Variants in CDH9 observed in about 807,000 individuals in gnomAD.
The protein encoded by CDH9 is cadherin-9.
Under a neutral mutation model 70.9 loss-of-function variants are expected in CDH9, and 28 were observed. The ratio of observed to expected loss-of-function variants is 0.40; its 90% CI spans 0.29 to 0.54. CDH9 has a LOEUF of 0.54. Among genes scored for constraint, CDH9 ranks in the 20% least tolerant of loss-of-function variants. The pLI, the probability that CDH9 is intolerant of heterozygous loss-of-function variation, is 0.59. For missense variants in CDH9, 874 were observed against 984.4 expected, an observed-to-expected ratio of 0.89 and a Z score of 1.50; for synonymous variants, 409 against 343.1, an observed-to-expected ratio of 1.19 and a Z score of -2.12.
At chr5:26,897,273 C>T (rs1740769319) in intron 7 of CDH9, among the ~76,000 whole-genome samples, 2 of 152,056 alleles carry the variant, frequency 1.3e-5, no homozygotes, top group Admixed American at 1.3e-4. Flanking sequence ...TCTTCTGAAA[C>T]TATTCCAAAC....
At chr5:26,920,155 G>A (rs1322969449) in intron 2 of CDH9, among the ~76,000 whole-genome samples, 1 of 152,010 alleles carries the variant, frequency 6.6e-6, no homozygotes, top group Non-Finnish European at 1.5e-5. Flanking sequence ...CCACTTCCCT[G>A]AAGGGAGAGA....
intron 2 of CDH9, among the ~76,000 whole-genome samples, chr5:26,938,803 T>C (rs532458705): frequency 2.0e-5 from 3 of 152,104 alleles, no homozygotes; most frequent in Non-Finnish European, 4.4e-5. Flanking sequence ...TTCAGCAACT[T>C]GTATGTTCTG....
Position 26,890,488 on chromosome 5 carries a change from T to C in CDH9, c.1330A>G (p.Lys444Glu), listed in dbSNP as rs1388211643. ...HSENGSIFTLKALDRESSPWH... is the reference protein window; with the variant it reads ...HSENGSIFTLEALDRESSPWH... Reference sequence around the variant, plus strand: ...GGAGATGATTCCCGGTCAAGGGCTTTCAAAGTGAAAATAGAACCATTTTCT... The same window carrying C: ...GGAGATGATTCCCGGTCAAGGGCTTCCAAAGTGAAAATAGAACCATTTTCT... Residue 444 changes from lysine (K) to glutamate (E), a missense_variant, in exon 8 of 12, where the codon AAA becomes GAA. Physicochemically the swap from Lys to Glu is moderately conservative, Grantham distance 56 (BLOSUM62 1). Transcript: ENST00000231021. The C allele has an allele frequency of 6.2e-7, 1 of 1,612,642 alleles. No homozygotes were observed. Among genetic ancestry groups the C allele is most frequent in the Non-Finnish European group, 8.5e-7 (1 of 1,178,766 alleles).
At chr5:27,026,491 A>G (rs187455309) in intron 1 of CDH9, among the ~76,000 whole-genome samples, 1 of 151,966 alleles carries the variant, frequency 6.6e-6, no homozygotes, top group Admixed American at 6.6e-5. Context: ...TACCTCTCCA[A>G]TCACTCTCCA....
chr5:26,881,387 A>G lies in CDH9; in HGVS notation c.2119T>C (p.Trp707Arg), dbSNP rs375707694. 24 of 1,613,680 alleles carry G rather than the reference A, an allele frequency of 1.5e-5. No individual in the cohort carries two copies. The highest frequency in any genetic ancestry group is 3.3e-5 in the South Asian group (3 of 91,082). ...IFQIRRTVPL[W>R]ENIDVQDFIH... ...AAATCTTGTACATCAATATTTTCCC[A>G]CAGAGGCACAGTCCTCCTTATCTGA... The change falls in exon 12 of 12, where the codon TGG becomes CGG. Residue 707 changes from tryptophan to arginine, a missense_variant. Trp to Arg is a moderately radical substitution (Grantham distance 101). Transcript: ENST00000231021.
At chr5:27,002,653 A>G (rs1742791082) in intron 1 of CDH9, among the ~76,000 whole-genome samples, 1 of 152,182 alleles carries the variant, frequency 6.6e-6, no homozygotes, top group Admixed American at 6.5e-5. Flanking sequence ...CATCATTCTC[A>G]GCAAACTAAC....
chr5:27,001,188 A>G (rs1742761133), intron 1 of CDH9, among the ~76,000 whole-genome samples: 1 of 152,162 alleles, frequency 6.6e-6, no homozygotes, highest in Non-Finnish European at 1.5e-5. Flanking sequence ...CTGTAACAAG[A>G]TAATCTAACT....
intron 2 of CDH9, among the ~76,000 whole-genome samples, chr5:26,981,566 T>C (rs1190993987): frequency 6.6e-6 from 1 of 151,984 alleles, no homozygotes; most frequent in Admixed American, 6.6e-5. Context: ...TCAGCTAAAA[T>C]ATTTGGGAGG....
At chr5:26,944,911 G>T (rs980690997) in intron 2 of CDH9, among the ~76,000 whole-genome samples, 1 of 151,920 alleles carries the variant, frequency 6.6e-6, no homozygotes, top group African/African-American at 2.4e-5. Flanking sequence ...TGAGAATAAA[G>T]CTAAAATTAT....
At chr5:27,002,790 G>A (rs1337569764) in intron 1 of CDH9, among the ~76,000 whole-genome samples, 1 of 151,772 alleles carries the variant, frequency 6.6e-6, no homozygotes, top group Non-Finnish European at 1.5e-5. Context: ...GGAGGGGGAG[G>A]GATAGCATTA....
intron 2 of CDH9, among the ~76,000 whole-genome samples, chr5:26,946,606 G>C (rs1741757802): frequency 6.6e-6 from 1 of 152,118 alleles, no homozygotes; most frequent in Non-Finnish European, 1.5e-5. Context: ...TTTATAAATA[G>C]GTTAAGGGAA....
chr5:27,029,322 C>T (rs1579522460), intron 1 of CDH9, among the ~76,000 whole-genome samples: 1 of 151,908 alleles, frequency 6.6e-6, no homozygotes, highest in East Asian at 1.9e-4. Context: ...AAATATTTCT[C>T]ACATAATTGG....
intron 1 of CDH9, among the ~76,000 whole-genome samples, chr5:26,991,136 T>A (rs955656672): frequency 1.3e-5 from 2 of 152,116 alleles, no homozygotes; most frequent in Admixed American, 1.3e-4. Flanking sequence ...AAGAGAGAGA[T>A]CAGTTAGGGT....
chr5:26,941,933 C>T (rs1741669137), intron 2 of CDH9, among the ~76,000 whole-genome samples: 1 of 152,168 alleles, frequency 6.6e-6, no homozygotes, highest in African/African-American at 2.4e-5. Flanking sequence ...TGGCACAGGG[C>T]ATCACATGGC....
At chr5:26,996,894 T>G (rs2112100712) in intron 1 of CDH9, among the ~76,000 whole-genome samples, 1 of 152,112 alleles carries the variant, frequency 6.6e-6, no homozygotes, top group African/African-American at 2.4e-5. Context: ...GGTGTAAAAT[T>G]AGTTTAAGGA....
chr5:26,951,488 G>T (rs1741845375), intron 2 of CDH9, among the ~76,000 whole-genome samples: 1 of 151,810 alleles, frequency 6.6e-6, no homozygotes, highest in South Asian at 2.1e-4. Flanking sequence ...GATTAATTTG[G>T]CATACTCCCT....
chr5:26,989,614 T>C (rs764564194), intron 1 of CDH9, among the ~76,000 whole-genome samples: 1 of 151,832 alleles, frequency 6.6e-6, no homozygotes, highest in African/African-American at 2.4e-5. Context: ...TAATATCTCC[T>C]GAATTCAGAT....
At chr5:26,920,673 G>T (rs977733751) in intron 2 of CDH9, among the ~76,000 whole-genome samples, 1 of 152,030 alleles carries the variant, frequency 6.6e-6, no homozygotes, top group African/African-American at 2.4e-5. Context: ...AAGAAAAGTG[G>T]GAAAAGAAAG....
At chr5:27,020,177 G>C (rs1743112884) in intron 1 of CDH9, among the ~76,000 whole-genome samples, 1 of 151,468 alleles carries the variant, frequency 6.6e-6, no homozygotes, top group South Asian at 2.1e-4. Flanking sequence ...ATGTTATTTT[G>C]AGTACAAATA....
Sources: gnomAD v4.1 joint callset for allele counts (sites outside exome capture counted in the v4.1 genomes callset) on GRCh38, gnomAD v4.1.1 for gene constraint, MANE v1.5 for transcripts, NCBI Gene and HGNC (gene_info 2026-07-23, HGNC 2026-07-21) for gene names.